Variants in ZNF831 observed in about 807,000 individuals in gnomAD.
ZNF831 encodes the protein zinc finger protein 831.
Under a neutral mutation model 95.8 loss-of-function variants are expected in ZNF831, and 59 were observed. The observed-to-expected ratio is 0.62, with a 90% CI of 0.50 to 0.77. ZNF831 has a LOEUF of 0.77. ZNF831 is among the 30% of genes least tolerant of loss of function. The pLI, the probability that ZNF831 is intolerant of heterozygous loss-of-function variation, is 0.00. For synonymous variants in ZNF831, 961 were observed against 925.5 expected, an observed-to-expected ratio of 1.04 and a Z score of -0.70; for missense variants, 2,205 against 2,164.0, an observed-to-expected ratio of 1.02 and a Z score of -0.38.
At chr20:59,220,544 C>T (rs1473560013) in intron 4 of ZNF831, among the ~76,000 whole-genome samples, 1 of 152,208 alleles carries the variant, frequency 6.6e-6, no homozygotes, top group Non-Finnish European at 1.5e-5. Context: ...TCAACTCCCT[C>T]TCCAGCCTCT....
intron 4 of ZNF831, among the ~76,000 whole-genome samples, chr20:59,213,052 C>T (rs894913312): frequency 6.6e-6 from 1 of 152,140 alleles, no homozygotes; most frequent in African/African-American, 2.4e-5. Flanking sequence ...AGGAGAGTGA[C>T]TTGAATATCA....
chr20:59,244,002 G>T (rs375149579), intron 4 of ZNF831, among the ~76,000 whole-genome samples: 2 of 151,748 alleles, frequency 1.3e-5, no homozygotes, highest in African/African-American at 4.8e-5. Flanking sequence ...TTATTTTAGC[G>T]CATTCTCTTC....
At chr20:59,236,679 C>T (rs931005831) in intron 4 of ZNF831, among the ~76,000 whole-genome samples, 1 of 151,678 alleles carries the variant, frequency 6.6e-6, no homozygotes, top group African/African-American at 2.4e-5. Context: ...GAACCACCCA[C>T]CATGCCTGGC....
chr20:59,175,285 G>A (rs1372208711), intron 1 of ZNF831, among the ~76,000 whole-genome samples: 1 of 152,032 alleles, frequency 6.6e-6, no homozygotes, highest in Admixed American at 6.6e-5. Flanking sequence ...TATGTCTTCT[G>A]CCAAATTGAA....
At chr20:59,200,523 T>TA (rs1221024155) in intron 3 of ZNF831, among the ~76,000 whole-genome samples, 1 of 152,162 alleles carries the variant, frequency 6.6e-6, no homozygotes, top group Non-Finnish European at 1.5e-5. Flanking sequence ...TACAATTAAA[T>TA]AAATTTTGAC....
At chr20:59,154,673 TCTC>T (rs1980431782) in intron 2 of ZNF831, among the ~76,000 whole-genome samples, 1 of 152,226 alleles carries the variant, frequency 6.6e-6, no homozygotes, top group African/African-American at 2.4e-5. Flanking sequence ...GCCTGGCTTC[TCTC>T]CTCGCTCTGC....
intron 1 of ZNF831, among the ~76,000 whole-genome samples, chr20:59,182,868 C>T (rs543425872): frequency 2.6e-5 from 4 of 152,274 alleles, no homozygotes; most frequent in Admixed American, 6.5e-5. Flanking sequence ...TTTAGGGAGG[C>T]GTTGTTTCTA....
rs34011921 is a variant in ZNF831, at chr20:59,196,942, A to ATT, written c.3875+952_3875+953dup. Among the ~76,000 whole-genome samples the ATT allele has an allele frequency of 9.2e-4, 122 of 132,386 alleles. 1 individual carries two copies. The highest frequency in any genetic ancestry group is 1.6e-3 in the African/African-American group (60 of 36,474). The allele number at this position is 132,386 out of a possible 152,430, so 86.9% of individuals were successfully genotyped here. A position where few individuals can be genotyped will look rare whatever the true frequency, so the allele number is the denominator to read the frequency against. ...CAGGCATGGGCCACCACGCCCAGCT[A>ATT]TTTTTTTTTTTTTTTTGTATTTTTA... is the stretch of plus-strand genomic sequence containing the variant. On this transcript the variant is annotated intron_variant, in intron 3 of 5. Transcript: ENST00000371030.
intron 2 of ZNF831, among the ~76,000 whole-genome samples, chr20:59,149,881 G>T (rs1033139960): frequency 1.3e-5 from 2 of 152,240 alleles, no homozygotes; most frequent in African/African-American, 4.8e-5. Flanking sequence ...CCTGAGGGGG[G>T]CTGTCGTCCC....
chr20:59,126,696 A>T (rs569220403), intron 1 of ZNF831, among the ~76,000 whole-genome samples: 13 of 152,168 alleles, frequency 8.5e-5, no homozygotes, highest in Non-Finnish European at 1.5e-4. Flanking sequence ...CCACGCACTC[A>T]TAGTCTCTCC....
chr20:59,202,598 G>A (rs1984612110), intron 3 of ZNF831, among the ~76,000 whole-genome samples: 1 of 152,170 alleles, frequency 6.6e-6, no homozygotes, highest in Non-Finnish European at 1.5e-5. Flanking sequence ...CCCCGGGCAG[G>A]TGGTGGGGTA....
intron 2 of ZNF831, among the ~76,000 whole-genome samples, chr20:59,156,084 C>T (rs1980522951): frequency 6.6e-6 from 1 of 152,226 alleles, no homozygotes; most frequent in African/African-American, 2.4e-5. Context: ...ATGTATTTAA[C>T]ATACACTGTA....
Position 59,191,978 on chromosome 20 carries a change from C to T in ZNF831, c.959C>T (p.Ala320Val), listed in dbSNP as rs765482514. 2 of 1,605,964 alleles carry T rather than the reference C, an allele frequency of 1.2e-6. No homozygotes were observed. Among genetic ancestry groups the T allele is most frequent in the Non-Finnish European group, 1.7e-6 (2 of 1,177,156 alleles). Residue 320 changes from alanine (A) to valine (V), a missense_variant, in exon 2 of 6, where the codon GCG (alanine) becomes GTG (valine). Transcript: ENST00000371030. ...CCGTGCGCCCTGCAGCGGCAGCAGG[C>T]GACGGCAGCGGAGAAGCCCTGGGAT... ...GKPCALQRQQ[A>V]TAAEKPWDAK...
At chr20:59,185,007 C>T (rs1361230351) in intron 1 of ZNF831, among the ~76,000 whole-genome samples, 2 of 152,152 alleles carry the variant, frequency 1.3e-5, no homozygotes, top group Non-Finnish European at 2.9e-5. Context: ...GTGTGGGAGC[C>T]TGGGGATGGC....
At chr20:59,199,109 A>G (rs1295224861) in intron 3 of ZNF831, among the ~76,000 whole-genome samples, 6 of 120,830 alleles carry the variant, frequency 5.0e-5, no homozygotes, top group African/African-American at 1.6e-4. Flanking sequence ...CTATCTATCT[A>G]TCTATCTATC....
chr20:59,150,100 A>G (rs1376902425), intron 2 of ZNF831, among the ~76,000 whole-genome samples: 1 of 152,260 alleles, frequency 6.6e-6, no homozygotes, highest in East Asian at 1.9e-4. Context: ...TCACAATGGT[A>G]ACCACCAGGC....
chr20:59,233,244 G>T (rs1986834089), intron 4 of ZNF831, among the ~76,000 whole-genome samples: 1 of 152,120 alleles, frequency 6.6e-6, no homozygotes, highest in African/African-American at 2.4e-5. Context: ...AGGAGCTGTT[G>T]TCTCTTCCCT....
intron 4 of ZNF831, among the ~76,000 whole-genome samples, chr20:59,249,138 T>G (rs1197189455): frequency 1.3e-5 from 2 of 152,266 alleles, no homozygotes; most frequent in South Asian, 2.1e-4. Context: ...GAATATCCTT[T>G]GTGGACTTGT....
At chr20:59,158,053 G>A (rs140746648) in intron 2 of ZNF831, among the ~76,000 whole-genome samples, 88 of 152,310 alleles carry the variant, frequency 5.8e-4, no homozygotes, top group Non-Finnish European at 6.0e-4. Flanking sequence ...CTCACTCTAT[G>A]ATTAAAAGTC....
Sources: allele counts gnomAD v4.1 joint callset (sites outside exome capture counted in the v4.1 genomes callset), GRCh38; gene constraint gnomAD v4.1.1; transcripts MANE v1.5; gene names NCBI Gene and HGNC (gene_info 2026-07-23, HGNC 2026-07-21).